ATOSA: variants seen among roughly 807,000 people sequenced by gnomAD.
ATOSA encodes atos homolog protein A.
chr15:52,659,040 G>A, the ATOSA span, among the ~76,000 whole-genome samples: 1 of 151,966 alleles, frequency 6.6e-6, no homozygotes, highest in African/African-American at 2.4e-5. Flanking sequence ...AGTTTGTACG[G>A]GCCATCTGAT....
At chr15:52,661,928 G>A in the ATOSA span, among the ~76,000 whole-genome samples, 7 of 55,280 alleles carry the variant, frequency 1.3e-4, no homozygotes, top group Admixed American at 2.6e-4. Context: ...TTACAAGCCA[G>A]GCCAAAAAAA....
chr15:52,589,799 T>G, the ATOSA span, among the ~76,000 whole-genome samples: 1 of 152,314 alleles, frequency 6.6e-6, no homozygotes, highest in East Asian at 1.9e-4. Flanking sequence ...TGGCATTTTT[T>G]TTTTTTGAGA....
chr15:52,681,237 T>G, the ATOSA span, among the ~76,000 whole-genome samples: 2 of 152,158 alleles, frequency 1.3e-5, no homozygotes, highest in African/African-American at 4.8e-5. Context: ...GCAGAAAAAG[T>G]ATTTAAAAGG....
chr15:52,669,659 T>C, the ATOSA span, among the ~76,000 whole-genome samples: 2 of 152,222 alleles, frequency 1.3e-5, no homozygotes, highest in Non-Finnish European at 2.9e-5. Context: ...ACTTTAAATA[T>C]TGTTTATTCC....
chr15:52,680,402 G>A, the ATOSA span, among the ~76,000 whole-genome samples: 1 of 152,152 alleles, frequency 6.6e-6, no homozygotes, highest in Non-Finnish European at 1.5e-5. Flanking sequence ...TGCATAAAAG[G>A]ATCACAGGAA....
chr15:52,651,971 G>C, the ATOSA span: 56 of 1,534,234 alleles, frequency 3.7e-5, no homozygotes, highest in East Asian at 1.3e-3. Context: ...CAGTAACTGA[G>C]GGATCCAGAT....
the ATOSA span, among the ~76,000 whole-genome samples, chr15:52,661,741 G>C: frequency 1.3e-5 from 2 of 151,960 alleles, no homozygotes; most frequent in African/African-American, 4.8e-5. Flanking sequence ...GTTAGGCTAC[G>C]ACCTCCTGGA....
chr15:52,592,246 A>G, the ATOSA span, among the ~76,000 whole-genome samples: 1 of 152,228 alleles, frequency 6.6e-6, no homozygotes, highest in South Asian at 2.1e-4. Context: ...GCCAGATAGT[A>G]AGTTAGGAAA....
the ATOSA span, among the ~76,000 whole-genome samples, chr15:52,695,076 C>A: frequency 1.3e-5 from 2 of 152,040 alleles, no homozygotes; most frequent in African/African-American, 2.4e-5. Flanking sequence ...AGGCGTGCAT[C>A]ACCATGCCTG....
At chr15:52,601,392 T>C in the ATOSA span, among the ~76,000 whole-genome samples, 2 of 152,118 alleles carry the variant, frequency 1.3e-5, no homozygotes, top group Admixed American at 1.3e-4. Context: ...TAGGTTTTGA[T>C]TTTTTAAGAA....
the ATOSA span, among the ~76,000 whole-genome samples, chr15:52,642,415 T>C: frequency 6.6e-6 from 1 of 152,192 alleles, no homozygotes; most frequent in African/African-American, 2.4e-5. Flanking sequence ...TGAAGGTATG[T>C]GAAACTAGAT....
At chr15:52,633,612 G>C in the ATOSA span, among the ~76,000 whole-genome samples, 1 of 151,794 alleles carries the variant, frequency 6.6e-6, no homozygotes, top group African/African-American at 2.4e-5. Context: ...ATGGAGAGCA[G>C]TGAAAGAAAA....
chr15:52,600,841 T>C, the ATOSA span, among the ~76,000 whole-genome samples: 466 of 137,396 alleles, frequency 3.4e-3, 1 homozygote, highest in Non-Finnish European at 5.2e-3. Flanking sequence ...GGTTAATAAC[T>C]AGAAATATAT....
the ATOSA span, among the ~76,000 whole-genome samples, chr15:52,645,316 G>T: frequency 6.6e-6 from 1 of 152,164 alleles, no homozygotes; most frequent in Non-Finnish European, 1.5e-5. Context: ...GCACATGCTT[G>T]TAATCCCAGC....
the ATOSA span, among the ~76,000 whole-genome samples, chr15:52,614,308 G>A: frequency 2.2e-4 from 34 of 151,476 alleles, no homozygotes; most frequent in South Asian, 4.2e-3. Flanking sequence ...GTTTTGCCAT[G>A]TTGGTCAGGC....
the ATOSA span, chr15:52,651,949 T>C: frequency 7.2e-4 from 1,101 of 1,535,050 alleles, 11 homozygotes; most frequent in Non-Finnish European, 4.4e-4. Flanking sequence ...TGGCTATCAA[T>C]AGCTATACTA....
chr15:52,609,472 T>A, the ATOSA span: 2 of 1,613,714 alleles, frequency 1.2e-6, no homozygotes, highest in East Asian at 4.5e-5. Context: ...ATCTTGCCGC[T>A]CCTGGAGTAA....
the ATOSA span, among the ~76,000 whole-genome samples, chr15:52,653,175 A>G: frequency 6.6e-6 from 1 of 152,080 alleles, no homozygotes; most frequent in African/African-American, 2.4e-5. Flanking sequence ...TATTACTCAG[A>G]TCTTTGTTTA....
At chr15:52,678,160 C>A in the ATOSA span, 1 of 1,037,412 alleles carries the variant, frequency 9.6e-7, no homozygotes, top group Non-Finnish European at 1.5e-6. Flanking sequence ...TGGCCCTATT[C>A]TAATACCCGG....
Sources: allele counts gnomAD v4.1 joint callset (sites outside exome capture counted in the v4.1 genomes callset), GRCh38; gene constraint gnomAD v4.1.1; transcripts MANE v1.5; gene names NCBI Gene and HGNC (gene_info 2026-07-23, HGNC 2026-07-21).